The following NFILZ variants were observed in gnomAD, a reference collection of about 807,000 sequenced individuals.
NFILZ encodes the protein NFIL3 like protein.
chr19:8,649,894 C>A (rs532896429), intron 3 of NFILZ, among the ~76,000 whole-genome samples: 53 of 151,924 alleles, frequency 3.5e-4, no homozygotes, highest in African/African-American at 1.2e-3. Flanking sequence ...ATGGGCAGAT[C>A]ACCTGAGGTC....
rs76488532 is a variant in NFILZ, at chr19:8,634,710, T to C, written c.-260-940T>C. On this transcript the variant is annotated intron_variant, in intron 2 of 5. Transcript: ENST00000691075. ...GGGCAACACAGTGAGACCTTGTCTC[T>C]ACAAAAAACAAAACAGAAAATTAGC... Among the ~76,000 whole-genome samples, 782 of 151,888 alleles carry C rather than the reference T, an allele frequency of 5.1e-3. 10 individuals carry two copies. Among genetic ancestry groups the C allele is most frequent in the African/African-American group, 0.018 (742 of 41,440 alleles).
chr19:8,667,787 C>G (rs2043069140), intron 3 of NFILZ, among the ~76,000 whole-genome samples: 1 of 152,000 alleles, frequency 6.6e-6, no homozygotes, highest in Admixed American at 6.6e-5. Context: ...CTCAAGTGAT[C>G]CCCCAACCTC....
intron 2 of NFILZ, among the ~76,000 whole-genome samples, chr19:8,633,394 C>A: frequency 6.6e-6 from 1 of 152,112 alleles, no homozygotes; most frequent in East Asian, 1.9e-4. Context: ...TTGCGGGGGA[C>A]CTAAGAACCC....
At chr19:8,632,231 C>G (rs1215000666) in intron 1 of NFILZ, among the ~76,000 whole-genome samples, 1 of 135,480 alleles carries the variant, frequency 7.4e-6, no homozygotes, top group East Asian at 2.1e-4. Flanking sequence ...TCAGGGCTGA[C>G]TGCCCCGCCA....
chr19:8,660,743 T>A (rs1197002517), intron 3 of NFILZ, among the ~76,000 whole-genome samples: 1 of 151,784 alleles, frequency 6.6e-6, no homozygotes, highest in African/African-American at 2.4e-5. Flanking sequence ...GTTCAAGCGA[T>A]TCTCCTGCCT....
intron 3 of NFILZ, among the ~76,000 whole-genome samples, chr19:8,657,111 C>T (rs2043007793): frequency 1.3e-5 from 2 of 150,974 alleles, no homozygotes; most frequent in African/African-American, 2.4e-5. Context: ...GGGCGGTTTT[C>T]GCTCCGGTGG....
At chr19:8,666,383 C>T (rs2043062269) in intron 3 of NFILZ, among the ~76,000 whole-genome samples, 1 of 151,784 alleles carries the variant, frequency 6.6e-6, no homozygotes, top group Admixed American at 6.6e-5. Flanking sequence ...ACTATGTTGC[C>T]CAGGCTGGTC....
intron 3 of NFILZ, among the ~76,000 whole-genome samples, chr19:8,637,912 CAAAA>C (rs35778716): frequency 3.5e-4 from 7 of 20,268 alleles, no homozygotes; most frequent in Non-Finnish European, 5.3e-4. Context: ...AAGATGGTCT[CAAAA>C]AAAAAAAAAA....
chr19:8,660,888 C>T (rs1316584806), intron 3 of NFILZ, among the ~76,000 whole-genome samples: 1 of 149,948 alleles, frequency 6.7e-6, no homozygotes, highest in Non-Finnish European at 1.5e-5. Flanking sequence ...TACCTGCCCG[C>T]CTCAGCCTCC....
chr19:8,643,968 TTCTC>T (rs1279043144), intron 3 of NFILZ, among the ~76,000 whole-genome samples: 9 of 152,026 alleles, frequency 5.9e-5, no homozygotes, highest in South Asian at 4.1e-4. Flanking sequence ...TATTGTGGGG[TTCTC>T]TCTCTCAGCC....
At chr19:8,660,594 T>G in intron 3 of NFILZ, among the ~76,000 whole-genome samples, 1 of 136,158 alleles carries the variant, frequency 7.3e-6, no homozygotes, top group Admixed American at 7.3e-5. Context: ...CTTCCTTCCT[T>G]CCTTCCCTCC....
At chr19:8,657,819 C>G (rs895108594) in intron 3 of NFILZ, among the ~76,000 whole-genome samples, 2 of 152,158 alleles carry the variant, frequency 1.3e-5, no homozygotes, top group African/African-American at 2.4e-5. Flanking sequence ...TTTTCCCCAC[C>G]ACCTGTGATC....
rs566421061 is a variant in NFILZ, at chr19:8,646,265, G to C, written c.-164+10519G>C. 3.9e-5 allele frequency among the ~76,000 whole-genome samples: 6 copies of C among 152,252 alleles called. No homozygotes were observed. The South Asian group carries it at 6.2e-4, about 16-fold the overall frequency. On this transcript the variant is annotated intron_variant, in intron 3 of 5. Coordinates refer to ENST00000691075, the MANE Select transcript of NFILZ (RefSeq NM_001378600.1). ...TTGGCCAGGCTAGTCTCGAACTCCT[G>C]ACCTCAAGTGATCTGCCCACCTCGG...
At position 8,634,902 on chromosome 19, in the gene NFILZ, CAAAA is replaced by C. The variant is rs869218033; in HGVS notation, c.-260-744_-260-741del. On this transcript the variant is annotated intron_variant, in intron 2 of 5. Transcript: ENST00000691075. ...ACAAACAAACAAACAAACAAACAAA[CAAAA>C]AAACAAAAAAACCAGTGTAATTTAC... Among the ~76,000 whole-genome samples, 4 of 74,904 alleles carry C rather than the reference CAAAA, an allele frequency of 5.3e-5. No individual in the cohort carries two copies. In the South Asian group the frequency reaches 1.3e-3, roughly 25 times the overall value. 49.1% of individuals were successfully genotyped at this position (74,904 alleles called of 152,430 possible). A position where few individuals can be genotyped will look rare whatever the true frequency, so the allele number is the denominator to read the frequency against.
At chr19:8,675,392 T>C (rs559337020) in intron 4 of NFILZ, among the ~76,000 whole-genome samples, 26 of 152,300 alleles carry the variant, frequency 1.7e-4, no homozygotes, top group African/African-American at 6.3e-4. Context: ...TGTGAGAAAC[T>C]GGGCTGAGGC....
At chr19:8,671,145 T>C (rs1223449790) in intron 3 of NFILZ, among the ~76,000 whole-genome samples, 2 of 152,116 alleles carry the variant, frequency 1.3e-5, no homozygotes, top group Non-Finnish European at 2.9e-5. Flanking sequence ...ATGTCACTGG[T>C]CAAGGCAGCT....
At chr19:8,658,020 G>A (rs118127011) in intron 3 of NFILZ, among the ~76,000 whole-genome samples, 1 of 152,152 alleles carries the variant, frequency 6.6e-6, no homozygotes, top group Admixed American at 6.6e-5. Context: ...AACAGAGAGG[G>A]TTACAGGCAT....
At chr19:8,654,713 C>A (rs1297309356) in intron 3 of NFILZ, among the ~76,000 whole-genome samples, 1 of 152,026 alleles carries the variant, frequency 6.6e-6, no homozygotes, top group Non-Finnish European at 1.5e-5. Context: ...AAGGAGGGTG[C>A]AGTTCCATAC....
chr19:8,638,693 T>C (rs2042906073), intron 3 of NFILZ: 1 of 145,506 alleles, frequency 6.9e-6, no homozygotes, highest in Non-Finnish European at 1.5e-5. Context: ...TTTGTGTACA[T>C]GGGGAAGAGG....
Sources: allele counts gnomAD v4.1 joint callset (sites outside exome capture counted in the v4.1 genomes callset), GRCh38; gene constraint gnomAD v4.1.1; transcripts MANE v1.5; gene names NCBI Gene and HGNC (gene_info 2026-07-23, HGNC 2026-07-21).